Variants in CTBP2 observed in about 807,000 individuals in gnomAD.
The protein encoded by CTBP2 is C-terminal binding protein 2.
Under a neutral mutation model 80.3 loss-of-function variants are expected in CTBP2, and 30 were observed. The observed-to-expected ratio is 0.37, with a 90% CI of 0.28 to 0.51. The LOEUF (loss-of-function observed/expected upper bound fraction) is 0.51, where lower values mean the gene tolerates loss of function less well. Among genes scored for constraint, CTBP2 ranks in the 20% least tolerant of loss-of-function variants. CTBP2 has a pLI of 0.93. For missense variants in CTBP2, 1,212 were observed against 1,375.3 expected, an observed-to-expected ratio of 0.88 and a Z score of 1.88; for synonymous variants, 594 against 587.4, an observed-to-expected ratio of 1.01 and a Z score of -0.16.
intron 1 of CTBP2, among the ~76,000 whole-genome samples, chr10:125,136,256 T>C (rs760351244): frequency 2.0e-5 from 3 of 152,250 alleles, no homozygotes; most frequent in African/African-American, 4.8e-5. Context: ...CCCCTCACCC[T>C]CACAGCTCAC....
chr10:124,997,562 G>A lies in CTBP2; in HGVS notation c.2185+402C>T, dbSNP rs189655085. 1.7e-4 allele frequency: 36 copies of A among 217,174 alleles called. No individual in the cohort carries two copies. The East Asian group carries it at 3.4e-3, about 21-fold the overall frequency. 13.5% of individuals were successfully genotyped at this position (217,174 alleles called of 1,614,324 possible). On this transcript the variant is annotated intron_variant, in intron 4 of 8. Coordinates refer to ENST00000309035, the MANE Select transcript of CTBP2 (RefSeq NM_022802.3). ...AGGAGTGAGGCCATGTCCATAACCC[G>A]CGTCTCCACTGAACCCTACGCCAGC...
chr10:125,106,134 T>C (rs71488653), intron 2 of CTBP2, among the ~76,000 whole-genome samples: 28,726 of 152,176 alleles, frequency 0.19, 2,760 homozygotes, highest in Middle Eastern at 0.26. Flanking sequence ...TCCACCAGGG[T>C]TGGCTGATGA....
chr10:125,076,562 A>C (rs928806352), intron 2 of CTBP2, among the ~76,000 whole-genome samples: 1 of 152,098 alleles, frequency 6.6e-6, no homozygotes, highest in Non-Finnish European at 1.5e-5. Flanking sequence ...CACTCACACA[A>C]AAGAGCACCT....
Position 125,150,285 on chromosome 10 carries a change from G to C in CTBP2, c.-206+10034C>G, listed in dbSNP as rs1041786549. On this transcript the variant is annotated intron_variant, in intron 1 of 10. Coordinates refer to the CTBP2 transcript ENST00000337195. ...CACAAACATGGTCTTACCTATTGATGAAATGATACCTGGCCACTAAATCCA... is the reference window on the plus strand; with the variant it reads ...CACAAACATGGTCTTACCTATTGATCAAATGATACCTGGCCACTAAATCCA... Among the ~76,000 whole-genome samples, 8 of 152,218 alleles carry C rather than the reference G, an allele frequency of 5.3e-5. No homozygotes were observed. The South Asian group carries it at 1.4e-3, about 28-fold the overall frequency.
chr10:124,994,260 C>T (rs1258670864), intron 5 of CTBP2, among the ~76,000 whole-genome samples: 2 of 152,214 alleles, frequency 1.3e-5, no homozygotes, highest in East Asian at 1.9e-4. Flanking sequence ...AAGCTGGGTC[C>T]TGGCTAGCGC....
At chr10:125,040,253 G>A (rs1045293421) in intron 2 of CTBP2, among the ~76,000 whole-genome samples, 1 of 151,992 alleles carries the variant, frequency 6.6e-6, no homozygotes, top group Non-Finnish European at 1.5e-5. Context: ...TCAGGAGTTC[G>A]AGACCAGCCT....
chr10:124,984,972 G>A lies in CTBP2; in HGVS notation c.*4546C>T. 6.2e-7 allele frequency: 1 copy of A among 1,612,222 alleles called. No homozygotes were observed. The highest frequency in any genetic ancestry group is 8.5e-7 in the Non-Finnish European group (1 of 1,179,002). ...ATCCCTGTCTGATGGAGAGGAAGAT[G>A]AGGATGATGAAGATGAATGAAAAAA... is the stretch of plus-strand genomic sequence containing the variant. On this transcript the variant is annotated 3_prime_UTR_variant, in exon 9 of 9. Transcript: ENST00000309035.
At chr10:125,007,141 C>T (rs947796802) in intron 1 of CTBP2, among the ~76,000 whole-genome samples, 5 of 152,254 alleles carry the variant, frequency 3.3e-5, no homozygotes, top group Non-Finnish European at 7.3e-5. Flanking sequence ...CATTTCAGGA[C>T]AATTCCAGCT....
At chr10:125,150,311 A>G (rs1049549080) in intron 1 of CTBP2, among the ~76,000 whole-genome samples, 1 of 152,178 alleles carries the variant, frequency 6.6e-6, no homozygotes, top group Non-Finnish European at 1.5e-5. Context: ...ACTAAATCCA[A>G]TTTTACCACA....
In CTBP2 at chr10:125,027,357, G is replaced by GCCGGC. The variant is rs1196429105; in HGVS notation, c.398_402dup (p.Pro135AlafsTer40). On this transcript the variant is annotated frameshift_variant, in exon 1 of 9. Coordinates refer to ENST00000309035, the MANE Select transcript of CTBP2 (RefSeq NM_022802.3). LOFTEE classifies it high-confidence loss of function. ...CCAAGCACTCCGTAGCTGGGGACCG[G>GCCGGC]CCGGCTGACTCCTGGGTCCCGATAG... is the stretch of plus-strand genomic sequence containing the variant. 1 of 1,613,556 alleles carries GCCGGC rather than the reference G, an allele frequency of 6.2e-7. No homozygotes were observed. Among genetic ancestry groups the GCCGGC allele is most frequent in the Admixed American group, 1.7e-5 (1 of 60,024 alleles).
intron 2 of CTBP2, among the ~76,000 whole-genome samples, chr10:125,110,105 G>A (rs1347175591): frequency 6.6e-6 from 1 of 152,248 alleles, no homozygotes; most frequent in African/African-American, 2.4e-5. Flanking sequence ...CTGAGGGCCT[G>A]GTCACAAACT....
At position 124,986,270 on chromosome 10, in the gene CTBP2, GAC is replaced by G. The variant is rs1397065826; in HGVS notation, c.*3246_*3247del. On this transcript the variant is annotated 3_prime_UTR_variant, in exon 9 of 9. Coordinates refer to ENST00000309035, the MANE Select transcript of CTBP2 (RefSeq NM_022802.3). ...GATGTGGCCAGGAATTTGGAAAGAC[GAC>G]ACACGCACGCGCGCGCGCGCACACA... The G allele has an allele frequency of 2.5e-5, 2 of 80,692 alleles. No homozygotes were observed. The highest frequency in any genetic ancestry group is 4.6e-4 in the East Asian group (1 of 2,184). The allele number at this position is 80,692 out of a possible 1,614,324, so 5.0% of individuals were successfully genotyped here. A position where few individuals can be genotyped will look rare whatever the true frequency, so the allele number is the denominator to read the frequency against.
At chr10:125,063,826 G>A (rs75659689) in intron 2 of CTBP2, among the ~76,000 whole-genome samples, 2,230 of 152,270 alleles carry the variant, frequency 0.015, 53 homozygotes, top group East Asian at 0.064. Flanking sequence ...ATGTCACAGC[G>A]ATTCTCAAAG....
At chr10:125,161,227 C>T (rs1410045756), upstream of CTBP2, 1 of 151,954 alleles carries the variant, frequency 6.6e-6, no homozygotes, top group Non-Finnish European at 1.5e-5. Flanking sequence ...GCGGGAGGGC[C>T]AGGGGCCGGG....
intron 2 of CTBP2, among the ~76,000 whole-genome samples, chr10:125,054,295 A>T (rs1192874161): frequency 1.3e-5 from 2 of 152,196 alleles, no homozygotes; most frequent in Non-Finnish European, 2.9e-5. Flanking sequence ...CACTTCTGAG[A>T]TTAGGTTAAA....
chr10:125,134,367 A>AG (rs1856637126), intron 1 of CTBP2, among the ~76,000 whole-genome samples: 1 of 152,170 alleles, frequency 6.6e-6, no homozygotes, highest in Non-Finnish European at 1.5e-5. Context: ...CAGAGACAAC[A>AG]GGGCAGGAGG....
In CTBP2 at chr10:125,002,944, G is replaced by C; in HGVS notation, c.1978+16C>G. On this transcript the variant is annotated intron_variant, in intron 3 of 8. Transcript: ENST00000309035. ...CTCCGGACAACTCCAGGCAGCCAGC[G>C]CTGCCTCGCACTCACCGAGCTCGCC... The C allele has an allele frequency of 6.2e-7, 1 of 1,611,402 alleles. No individual in the cohort carries two copies. The highest frequency in any genetic ancestry group is 8.5e-7 in the Non-Finnish European group (1 of 1,179,680).
chr10:125,061,965 G>T (rs2946999), intron 2 of CTBP2, among the ~76,000 whole-genome samples: 85,590 of 152,076 alleles, frequency 0.56, 26,841 homozygotes, highest in African/African-American at 0.85. Context: ...AGAAAACAAC[G>T]GGCCAAAGAC....
At chr10:125,158,013 C>T (rs1047628957) in intron 1 of CTBP2, among the ~76,000 whole-genome samples, 2 of 152,198 alleles carry the variant, frequency 1.3e-5, no homozygotes, top group Non-Finnish European at 2.9e-5. Context: ...TCTGTTTCAA[C>T]ATTAAAGCAG....
Sources: gnomAD v4.1 joint callset for allele counts (sites outside exome capture counted in the v4.1 genomes callset) on GRCh38, gnomAD v4.1.1 for gene constraint, MANE v1.5 for transcripts, NCBI Gene and HGNC (gene_info 2026-07-23, HGNC 2026-07-21) for gene names.